OXR1: variants seen among roughly 807,000 people sequenced by gnomAD.
The protein encoded by OXR1 is oxidation resistance 1.
Under a neutral mutation model 104.6 loss-of-function variants are expected in OXR1, and 41 were observed. The ratio of observed to expected loss-of-function variants is 0.39; its 90% CI spans 0.31 to 0.51. The LOEUF (loss-of-function observed/expected upper bound fraction) is 0.51. OXR1 is among the 20% of genes least tolerant of loss of function. The pLI is 0.77. For missense variants in OXR1, 955 were observed against 1,031.9 expected (o/e 0.93, Z 1.02); for synonymous variants, 348 against 348.4 (o/e 1.00, Z 0.01).
At chr8:106,328,600 A>T (rs1814578694) in intron 1 of OXR1, among the ~76,000 whole-genome samples, 1 of 152,210 alleles carries the variant, frequency 6.6e-6, no homozygotes, top group South Asian at 2.1e-4. Context: ...GGTATGTGAA[A>T]CTTCAATGTC....
At chr8:106,743,110 A>G (rs538533771) in intron 15 of OXR1, among the ~76,000 whole-genome samples, 9 of 152,128 alleles carry the variant, frequency 5.9e-5, no homozygotes, top group South Asian at 2.1e-4. Context: ...AAAAAACACC[A>G]TTGAAAAGTG....
intron 11 of OXR1, among the ~76,000 whole-genome samples, chr8:106,727,160 G>A (rs28924682): frequency 0.015 from 2,244 of 151,618 alleles, 33 homozygotes; most frequent in Admixed American, 0.047. Flanking sequence ...TTTAAAATTT[G>A]TGATTAGATT....
chr8:106,502,804 C>T (rs1273510603), intron 2 of OXR1, among the ~76,000 whole-genome samples: 1 of 152,082 alleles, frequency 6.6e-6, no homozygotes, highest in Non-Finnish European at 1.5e-5. Context: ...TTTTTCTAAT[C>T]CCAGGCTCAC....
At chr8:106,282,103 A>C (rs1252780583) in intron 1 of OXR1, among the ~76,000 whole-genome samples, 1 of 152,176 alleles carries the variant, frequency 6.6e-6, no homozygotes, top group Admixed American at 6.5e-5. Context: ...TTAATCTAAA[A>C]TCTTTCTAAA....
At chr8:106,560,189 T>C (rs1816578889) in intron 3 of OXR1, among the ~76,000 whole-genome samples, 1 of 152,154 alleles carries the variant, frequency 6.6e-6, no homozygotes, top group Non-Finnish European at 1.5e-5. Context: ...GGTACTAAAG[T>C]TGGAAAACCA....
intron 3 of OXR1, among the ~76,000 whole-genome samples, chr8:106,678,367 T>G (rs1554618352): frequency 2.0e-5 from 3 of 152,052 alleles, no homozygotes; most frequent in Non-Finnish European, 4.4e-5. Context: ...AAAACTATAG[T>G]TTTTAATTTT....
intron 2 of OXR1, among the ~76,000 whole-genome samples, chr8:106,454,898 T>C (rs1228978818): frequency 6.6e-6 from 1 of 152,202 alleles, no homozygotes; most frequent in Non-Finnish European, 1.5e-5. Flanking sequence ...CGGGGTCTCT[T>C]CCGCCTTGCC....
At chr8:106,517,356 A>G (rs1812927908) in intron 2 of OXR1, among the ~76,000 whole-genome samples, 1 of 152,190 alleles carries the variant, frequency 6.6e-6, no homozygotes, top group African/African-American at 2.4e-5. Context: ...GTTGCTGCTA[A>G]TAGTCATAGT....
At chr8:106,490,315 G>A (rs966563115) in intron 2 of OXR1, among the ~76,000 whole-genome samples, 1 of 152,150 alleles carries the variant, frequency 6.6e-6, no homozygotes, top group Non-Finnish European at 1.5e-5. Context: ...AGGAAAGCAT[G>A]TCTTGTGGAA....
rs181544873 is a variant in OXR1, at chr8:106,618,287, A to G, written c.221-60923A>G. The G allele has an allele frequency of 8.9e-6, 8 of 896,658 alleles. No individual in the cohort carries two copies. In the Admixed American group the frequency reaches 1.2e-4, roughly 13 times the overall value. 55.5% of individuals were successfully genotyped at this position (896,658 alleles called of 1,614,324 possible). Reference sequence around the variant, plus strand: ...TTTATGTTGCATTTTCAAAGTCCAGATGAGCTGTATGGATCTGTGACGATG... The same window carrying G: ...TTTATGTTGCATTTTCAAAGTCCAGGTGAGCTGTATGGATCTGTGACGATG... On this transcript the variant is annotated intron_variant, in intron 3 of 16. Coordinates refer to ENST00000517566, the MANE Select transcript of OXR1 (RefSeq NM_001198533.2).
At chr8:106,353,365 AAATAAT>A (rs71307055) in intron 1 of OXR1, among the ~76,000 whole-genome samples, 1 of 147,414 alleles carries the variant, frequency 6.8e-6, no homozygotes, top group African/African-American at 2.5e-5. Flanking sequence ...CTCTGTCTCA[AAATAAT>A]AATAATAATA....
At chr8:106,445,623 A>G (rs1010751987) in intron 2 of OXR1, among the ~76,000 whole-genome samples, 3 of 152,092 alleles carry the variant, frequency 2.0e-5, no homozygotes, top group Non-Finnish European at 2.9e-5. Context: ...TCTGTTGCCT[A>G]TTTTAGACCT....
At chr8:106,375,319 G>A (rs7819217) in intron 2 of OXR1, among the ~76,000 whole-genome samples, 21,891 of 152,070 alleles carry the variant, frequency 0.14, 3,221 homozygotes, top group African/African-American at 0.38. Flanking sequence ...GGTTTTTGTC[G>A]TACTTTTAAT....
At chr8:106,531,679 G>A (rs186718671) in intron 3 of OXR1, among the ~76,000 whole-genome samples, 1 of 152,198 alleles carries the variant, frequency 6.6e-6, no homozygotes, top group African/African-American at 2.4e-5. Context: ...CCGTTTTGAA[G>A]TCTTTTTCAA....
intron 2 of OXR1, among the ~76,000 whole-genome samples, chr8:106,404,099 GC>G (rs1217927515): frequency 2.6e-5 from 4 of 152,150 alleles, no homozygotes; most frequent in African/African-American, 9.7e-5. Context: ...GGGGTGGAAA[GC>G]CCTCTACCAC....
chr8:106,505,115 T>A (rs1221189588), intron 2 of OXR1, among the ~76,000 whole-genome samples: 1 of 152,246 alleles, frequency 6.6e-6, no homozygotes, highest in African/African-American at 2.4e-5. Context: ...TATTTTTACA[T>A]AACTATTAGG....
intron 3 of OXR1, among the ~76,000 whole-genome samples, chr8:106,540,240 C>T (rs1463671795): frequency 6.6e-6 from 1 of 152,104 alleles, no homozygotes; most frequent in Non-Finnish European, 1.5e-5. Context: ...AACAGTGGAA[C>T]ACCCGAGGAG....
chr8:106,677,036 T>C (rs926485285), intron 3 of OXR1, among the ~76,000 whole-genome samples: 10 of 152,048 alleles, frequency 6.6e-5, no homozygotes, highest in African/African-American at 2.4e-4. Flanking sequence ...AATGAATTAT[T>C]GGGATATTAT....
intron 16 of OXR1, among the ~76,000 whole-genome samples, chr8:106,746,575 G>A (rs1835413215): frequency 6.6e-6 from 1 of 152,178 alleles, no homozygotes; most frequent in South Asian, 2.1e-4. Flanking sequence ...GTATCCCACA[G>A]TTGAGGATAT....
Sources: gnomAD v4.1 joint callset for allele counts (sites outside exome capture counted in the v4.1 genomes callset) on GRCh38, gnomAD v4.1.1 for gene constraint, MANE v1.5 for transcripts, NCBI Gene and HGNC (gene_info 2026-07-23, HGNC 2026-07-21) for gene names.